The following ZNF567 variants were observed in gnomAD, a reference collection of about 807,000 sequenced individuals.
The protein encoded by ZNF567 is zinc finger protein 567.
In ZNF567, 36 loss-of-function variants were observed where a neutral mutation model predicts 53.9. The observed-to-expected ratio is 0.67, with a 90% CI of 0.51 to 0.88. The LOEUF (loss-of-function observed/expected upper bound fraction) is 0.88, where lower values mean the gene tolerates loss of function less well. Among genes scored for constraint, ZNF567 ranks in the 40% least tolerant of loss-of-function variants. The pLI is 0.00. For synonymous variants in ZNF567, 224 were observed against 260.4 expected, an observed-to-expected ratio of 0.86 and a Z score of 1.35; for missense variants, 619 against 764.7, an observed-to-expected ratio of 0.81 and a Z score of 2.25.
At chr19:36,709,739 C>T (rs953716126) in intron 3 of ZNF567, among the ~76,000 whole-genome samples, 25 of 152,180 alleles carry the variant, frequency 1.6e-4, no homozygotes, top group African/African-American at 5.8e-4. Context: ...GCCCAGATTA[C>T]AAAAGTAAGC....
downstream of ZNF567, among the ~76,000 whole-genome samples, chr19:36,722,261 G>A (rs1410923483): frequency 6.6e-6 from 1 of 152,204 alleles, no homozygotes; most frequent in Non-Finnish European, 1.5e-5. Flanking sequence ...TATTTACTAT[G>A]TATATGAAGT....
At chr19:36,675,896 C>A in the ZNF567 span, among the ~76,000 whole-genome samples, 1 of 151,882 alleles carries the variant, frequency 6.6e-6, no homozygotes, top group East Asian at 1.9e-4. Context: ...ATTTTTATTT[C>A]TATTGCTGAT....
chr19:36,709,397 C>T (rs1282617650), intron 3 of ZNF567, among the ~76,000 whole-genome samples: 1 of 152,160 alleles, frequency 6.6e-6, no homozygotes, highest in African/African-American at 2.4e-5. Context: ...AATATTTATA[C>T]TCTTACAATT....
At chr19:36,672,344 T>C in the ZNF567 span, among the ~76,000 whole-genome samples, 1 of 152,236 alleles carries the variant, frequency 6.6e-6, no homozygotes, top group African/African-American at 2.4e-5. Context: ...TGGACCTCGC[T>C]GAACAGGTAA....
At chr19:36,689,004 A>G (rs1309627641) in intron 1 of ZNF567, among the ~76,000 whole-genome samples, 1 of 151,762 alleles carries the variant, frequency 6.6e-6, no homozygotes, top group African/African-American at 2.4e-5. Flanking sequence ...GAGCTGAGGC[A>G]GGGGAATCGC....
At chr19:36,721,340 CAT>C (rs1481796425), downstream of ZNF567, 4 of 151,988 alleles carry the variant, frequency 2.6e-5, no homozygotes, top group African/African-American at 9.7e-5. Flanking sequence ...TTGTTTATAT[CAT>C]GTGTGTGTTT....
At chr19:36,705,531 C>T (rs909755795) in intron 3 of ZNF567, among the ~76,000 whole-genome samples, 2 of 152,136 alleles carry the variant, frequency 1.3e-5, no homozygotes, top group African/African-American at 4.8e-5. Context: ...CTGTTTCAGT[C>T]AGAGCAGAGT....
At chr19:36,674,327 G>T in the ZNF567 span, among the ~76,000 whole-genome samples, 1 of 152,144 alleles carries the variant, frequency 6.6e-6, no homozygotes, top group Non-Finnish European at 1.5e-5. Flanking sequence ...TTCAACAGGG[G>T]AAATAAAAGT....
chr19:36,680,645 C>G, the ZNF567 span, among the ~76,000 whole-genome samples: 5,906 of 152,282 alleles, frequency 0.039, 151 homozygotes, highest in Non-Finnish European at 0.057. Context: ...AGTTTACTCT[C>G]TCACATTCTG....
upstream of ZNF567, chr19:36,687,479 C>G (rs528658968): frequency 6.6e-6 from 1 of 152,320 alleles, no homozygotes; most frequent in South Asian, 2.1e-4. Flanking sequence ...GAAAACCGCC[C>G]GGGCGCCTGT....
chr19:36,725,777 T>C (rs1006928870), downstream of ZNF567, among the ~76,000 whole-genome samples: 10 of 152,086 alleles, frequency 6.6e-5, no homozygotes, highest in African/African-American at 2.4e-4. Flanking sequence ...GCTTCCTGAG[T>C]AGCTGGGACT....
chr19:36,715,304 G>GCA (rs1237219824), intron 5 of ZNF567, among the ~76,000 whole-genome samples: 9 of 151,088 alleles, frequency 6.0e-5, no homozygotes, highest in African/African-American at 2.2e-4. Flanking sequence ...GGGATTACAG[G>GCA]TGCCCACCAC....
At chr19:36,682,610 A>AT in the ZNF567 span, among the ~76,000 whole-genome samples, 114 of 139,056 alleles carry the variant, frequency 8.2e-4, 1 homozygote, top group East Asian at 1.9e-3. Context: ...TATTATTATT[A>AT]TTATTTTTTT....
At chr19:36,684,458 G>A (rs1056819880), upstream of ZNF567, among the ~76,000 whole-genome samples, 9 of 152,066 alleles carry the variant, frequency 5.9e-5, no homozygotes, top group Non-Finnish European at 1.2e-4. Context: ...TGTTGAAATG[G>A]TCTGAATTCT....
At chr19:36,679,629 C>T in the ZNF567 span, among the ~76,000 whole-genome samples, 6 of 152,150 alleles carry the variant, frequency 3.9e-5, no homozygotes, top group Admixed American at 1.3e-4. Flanking sequence ...GATATATACA[C>T]AGTGGAATAC....
In ZNF567 at chr19:36,719,236, G is replaced by A. The variant is rs753787614; in HGVS notation, c.512G>A (p.Ser171Asn). 13 of 1,613,920 alleles carry A rather than the reference G, an allele frequency of 8.1e-6. No individual in the cohort carries two copies. Among genetic ancestry groups the A allele is most frequent in the East Asian group, 2.2e-5 (1 of 44,850 alleles). Residue 171 changes from serine (S) to asparagine (N), a missense_variant, in exon 6 of 6, where the codon AGT (serine) becomes AAT (asparagine). Physicochemically the swap from Ser to Asn is conservative, Grantham distance 46 (BLOSUM62 1). Coordinates refer to ENST00000682579, the MANE Select transcript of ZNF567 (RefSeq NM_001322917.1). The stretch of plus-strand genomic sequence containing the variant: ...AATGGATATGGGAAATCACTCCTGA[G>A]TACTAAACAAGAGACTACTCATCCT... ...EYNGYGKSLL[S>N]TKQETTHPEV...
chr19:36,681,060 C>G, the ZNF567 span, among the ~76,000 whole-genome samples: 1 of 152,194 alleles, frequency 6.6e-6, no homozygotes, highest in South Asian at 2.1e-4. Context: ...TATATCCTGT[C>G]TCACCAACAG....
At position 36,720,294 on chromosome 19, in the gene ZNF567, CAG is replaced by C; in HGVS notation, c.1574_1575del (p.Arg525AsnfsTer11). On this transcript the variant is annotated frameshift_variant, in exon 6 of 6. Transcript: ENST00000682579. LOFTEE classifies it high-confidence loss of function. ...FSQKTNLNLHQRIHTGEKPYV... is the reference protein window; with the variant it reads ...FSQKTNLNLHXRIHTGEKPYV... ...TCAAAAGACAAATCTCAATCTACAT[CAG>C]AGAATTCATACAGGGGAGAAACCCT... The C allele has an allele frequency of 1.2e-6, 2 of 1,614,070 alleles. No individual in the cohort carries two copies. The highest frequency in any genetic ancestry group is 2.7e-5 in the African/African-American group (2 of 75,024).
downstream of ZNF567, among the ~76,000 whole-genome samples, chr19:36,725,058 C>T (rs1253557173): frequency 6.6e-6 from 1 of 152,016 alleles, no homozygotes; most frequent in Non-Finnish European, 1.5e-5. Context: ...AGAGTTGTTC[C>T]TTTCAGCACT....
Sources: allele counts gnomAD v4.1 joint callset (sites outside exome capture counted in the v4.1 genomes callset), GRCh38; gene constraint gnomAD v4.1.1; transcripts MANE v1.5; gene names NCBI Gene and HGNC (gene_info 2026-07-23, HGNC 2026-07-21).